STMN4: variants seen among roughly 807,000 people sequenced by gnomAD.
STMN4 encodes the protein stathmin 4, also known as stathmin-4.
In STMN4, 12 loss-of-function variants were observed where a neutral mutation model predicts 29.1. That is an observed-to-expected ratio of 0.41 (90% CI 0.26 to 0.67). The LOEUF (loss-of-function observed/expected upper bound fraction) is 0.67. Among genes scored for constraint, STMN4 ranks in the 30% least tolerant of loss-of-function variants. The probability of loss-of-function intolerance (pLI) is 0.30; values close to 1 mark genes in which losing one functional copy is unlikely to be tolerated. For synonymous variants in STMN4, 114 were observed against 105.3 expected (o/e 1.08, Z -0.51); for missense variants, 181 against 262.8 (o/e 0.69, Z 2.15).
At chr8:27,246,934 T>G (rs1801640009) in intron 1 of STMN4, among the ~76,000 whole-genome samples, 1 of 152,104 alleles carries the variant, frequency 6.6e-6, no homozygotes. Context: ...GTACCAGCAT[T>G]CATACATGGG....
intron 1 of STMN4, among the ~76,000 whole-genome samples, chr8:27,258,069 C>G (rs770886750): frequency 6.6e-6 from 1 of 152,154 alleles, no homozygotes; most frequent in Non-Finnish European, 1.5e-5. Context: ...CATTTTTATG[C>G]AGAAATAGCT....
At chr8:27,252,205 T>C (rs933566859) in intron 1 of STMN4, among the ~76,000 whole-genome samples, 10 of 152,162 alleles carry the variant, frequency 6.6e-5, no homozygotes, top group African/African-American at 2.4e-4. Flanking sequence ...TAATCCAGTC[T>C]ATCATTGTTG....
intron 6 of STMN4, chr8:27,239,499 G>A (rs903896830): frequency 1.5e-6 from 1 of 683,884 alleles, no homozygotes; most frequent in African/African-American, 1.8e-5. Flanking sequence ...GACTCACTGG[G>A]TCTGTGTCAA....
intron 3 of STMN4, 46 bp downstream of exon 3, chr8:27,242,351 A>T: frequency 6.3e-7 from 1 of 1,581,724 alleles, no homozygotes; most frequent in Non-Finnish European, 8.7e-7. Context: ...AGGACAGGAC[A>T]CAGGGCCCCC....
intron 5 of STMN4, among the ~76,000 whole-genome samples, chr8:27,240,541 C>T (rs759986391): frequency 1.3e-5 from 2 of 152,130 alleles, no homozygotes; most frequent in Non-Finnish European, 2.9e-5. Context: ...CTAGTGTAGA[C>T]ATATGCCCTA....
intron 1 of STMN4, among the ~76,000 whole-genome samples, chr8:27,246,866 T>G (rs117764474): frequency 0.035 from 5,389 of 152,242 alleles, 127 homozygotes; most frequent in Admixed American, 0.053. Flanking sequence ...CCGGGGAAAC[T>G]AATGTCCTCA....
intron 4 of STMN4, 61 bp from the exon 5 acceptor site, chr8:27,241,323 A>G (rs1801464012): frequency 2.5e-6 from 4 of 1,601,116 alleles, no homozygotes; most frequent in Non-Finnish European, 3.4e-6. Flanking sequence ...CCCAGCAAGC[A>G]TGCGGCGCAT....
rs1244382499 is a variant in STMN4 at position 27,236,769 on chromosome 8, C to T, written c.*77G>A. On this transcript the variant is annotated 3_prime_UTR_variant, in exon 7 of 7. Transcript: ENST00000350889. ...CAAACCCCAGTGCTGGGAGCGCAGC[C>T]GGCGGGCGAGGCTGCCTGGAACGTG... 6.2e-5 allele frequency: 86 copies of T among 1,385,842 alleles called. No homozygotes were observed. Among genetic ancestry groups the T allele is most frequent in the Middle Eastern group, 2.6e-4 (1 of 3,884 alleles). 85.8% of individuals were successfully genotyped at this position (1,385,842 alleles called of 1,614,324 possible).
chr8:27,251,325 T>C (rs1159249010), intron 1 of STMN4, among the ~76,000 whole-genome samples: 1 of 134,398 alleles, frequency 7.4e-6, no homozygotes, highest in East Asian at 2.1e-4. Context: ...TATACGTATA[T>C]ACGTGTATAT....
intron 1 of STMN4, among the ~76,000 whole-genome samples, chr8:27,254,608 G>A (rs554542157): frequency 1.4e-4 from 22 of 152,202 alleles, no homozygotes; most frequent in Non-Finnish European, 2.4e-4. Flanking sequence ...GTGTGTAGGG[G>A]ATGGAGTGGG....
chr8:27,247,459 G>T (rs1212324999), intron 1 of STMN4, among the ~76,000 whole-genome samples: 5 of 152,202 alleles, frequency 3.3e-5, no homozygotes, highest in African/African-American at 9.7e-5. Flanking sequence ...TTGCCACTGG[G>T]TGGCGCCAGC....
At chr8:27,244,545 G>A (rs747575698) in intron 1 of STMN4, among the ~76,000 whole-genome samples, 19 of 152,164 alleles carry the variant, frequency 1.2e-4, no homozygotes, top group Non-Finnish European at 2.6e-4. Flanking sequence ...CACACCCCCA[G>A]CATTTGCCAG....
At chr8:27,248,590 T>C (rs1801696007) in intron 1 of STMN4, among the ~76,000 whole-genome samples, 1 of 152,054 alleles carries the variant, frequency 6.6e-6, no homozygotes, top group African/African-American at 2.4e-5. Context: ...ACAGTGATGC[T>C]GATAATAATA....
intron 5 of STMN4, 66 bp from the exon 6 acceptor site, chr8:27,240,228 C>T (rs1309092953): frequency 9.7e-6 from 15 of 1,546,892 alleles, no homozygotes; most frequent in East Asian, 2.3e-5. Flanking sequence ...TTTTCACCAT[C>T]GTGGCTGAAA....
intron 1 of STMN4, among the ~76,000 whole-genome samples, chr8:27,255,535 T>G (rs1801915160): frequency 1.3e-5 from 2 of 152,342 alleles, no homozygotes; most frequent in African/African-American, 4.8e-5. Context: ...ACACAAAATA[T>G]CTGAATTTTT....
intron 5 of STMN4, among the ~76,000 whole-genome samples, chr8:27,240,559 G>C (rs1456383625): frequency 1.3e-5 from 2 of 152,130 alleles, no homozygotes; most frequent in Non-Finnish European, 2.9e-5. Context: ...CTAAGGTGTA[G>C]ACAGGATGCA....
Position 27,241,080 on chromosome 8 carries a change from G to A in STMN4, c.373C>T (p.Leu125=), listed in dbSNP as rs1801455377. The change falls in exon 5 of 7, where the codon CTA becomes TTA. Residue 125 remains leucine (L), a synonymous_variant. Transcript: ENST00000350889. Reference sequence around the variant, plus strand: ...TTCCTTCGCTCCTCAGCCGCTTCTAGTTTCTTCTGGATCTCTTCCAGGGAT... The same window carrying A: ...TTCCTTCGCTCCTCAGCCGCTTCTAATTTCTTCTGGATCTCTTCCAGGGAT... ...DPSLEEIQKK[L]EAAEERRKYQ... 4 of 1,614,010 alleles carry A rather than the reference G, an allele frequency of 2.5e-6. No homozygotes were observed. Among genetic ancestry groups the A allele is most frequent in the Non-Finnish European group, 3.4e-6 (4 of 1,179,962 alleles).
chr8:27,252,437 A>T (rs1801817197), intron 1 of STMN4, among the ~76,000 whole-genome samples: 1 of 152,194 alleles, frequency 6.6e-6, no homozygotes, highest in South Asian at 2.1e-4. Context: ...TTACAAGAAA[A>T]AAACAAACAA....
chr8:27,246,507 C>T (rs1433008991), intron 1 of STMN4, among the ~76,000 whole-genome samples: 1 of 152,154 alleles, frequency 6.6e-6, no homozygotes, highest in Non-Finnish European at 1.5e-5. Context: ...TAAATAATGT[C>T]CCCTACATGC....
Sources: allele counts gnomAD v4.1 joint callset (sites outside exome capture counted in the v4.1 genomes callset), GRCh38; gene constraint gnomAD v4.1.1; transcripts MANE v1.5; gene names NCBI Gene and HGNC (gene_info 2026-07-23, HGNC 2026-07-21).